Variants in KSR2 observed in about 807,000 individuals in gnomAD.
The protein encoded by KSR2 is kinase suppressor of ras 2.
In KSR2, 25 loss-of-function variants were observed where a neutral mutation model predicts 107.8. That is an observed-to-expected ratio of 0.23 (90% CI 0.17 to 0.32). KSR2 has a LOEUF of 0.32. KSR2 is among the 10% of genes least tolerant of loss of function. The pLI, the probability that KSR2 is intolerant of heterozygous loss-of-function variation, is 1.00. For missense variants in KSR2, 887 were observed against 1,268.9 expected (o/e 0.70, Z 4.57); for synonymous variants, 480 against 507.0 (o/e 0.95, Z 0.71).
intron 3 of KSR2, among the ~76,000 whole-genome samples, chr12:117,808,670 A>G (rs1314137736): frequency 2.0e-5 from 3 of 152,074 alleles, no homozygotes; most frequent in Non-Finnish European, 4.4e-5. Flanking sequence ...GCCTCTGCCC[A>G]TCTCTCCATC....
chr12:117,600,050 A>C (rs10774943), intron 5 of KSR2, among the ~76,000 whole-genome samples: 1 of 151,842 alleles, frequency 6.6e-6, no homozygotes, highest in Admixed American at 6.6e-5. Context: ...TTGAGTGACC[A>C]GCAAGCTCTC....
chr12:117,871,479 T>G (rs1378855029), intron 1 of KSR2, among the ~76,000 whole-genome samples: 1 of 151,834 alleles, frequency 6.6e-6, no homozygotes, highest in Non-Finnish European at 1.5e-5. Flanking sequence ...ATCCCATTTA[T>G]CAGGAGGCTG....
intron 3 of KSR2, among the ~76,000 whole-genome samples, chr12:117,830,373 A>T (rs1376326036): frequency 2.0e-5 from 3 of 152,162 alleles, no homozygotes; most frequent in African/African-American, 7.2e-5. Context: ...GAAGGGGACA[A>T]GCTCTGAAAA....
intron 3 of KSR2, among the ~76,000 whole-genome samples, chr12:117,837,331 C>A (rs1261062378): frequency 1.3e-5 from 2 of 152,146 alleles, no homozygotes; most frequent in African/African-American, 2.4e-5. Flanking sequence ...GAGGTTCCTG[C>A]CAGTTTCTAC....
chr12:117,952,808 A>AC (rs1001335571), intron 1 of KSR2, among the ~76,000 whole-genome samples: 3 of 151,636 alleles, frequency 2.0e-5, no homozygotes, highest in African/African-American at 7.3e-5. Flanking sequence ...ACATGGTGAA[A>AC]CCCCCATCTC....
rs754940414 is a variant in KSR2, at chr12:117,566,603, C to T, written c.1326-8030G>A. 4.6e-5 allele frequency among the ~76,000 whole-genome samples: 7 copies of T among 152,204 alleles called. No individual in the cohort carries two copies. In the Middle Eastern group the frequency reaches 0.01, roughly 222 times the overall value. ...ATGGCTGCATAGTATTCCATGTATA[C>T]CCATTTTTAAGTCAAGAAGACTGGG... On this transcript the variant is annotated intron_variant, in intron 7 of 19. Transcript: ENST00000339824.
intron 10 of KSR2, among the ~76,000 whole-genome samples, chr12:117,537,718 A>G (rs907975301): frequency 1.3e-4 from 20 of 152,172 alleles, no homozygotes; most frequent in African/African-American, 4.1e-4. Context: ...CCAGTCCCCA[A>G]AGAGGGCCAG....
At chr12:117,493,569 G>A (rs1168137181) in intron 14 of KSR2, among the ~76,000 whole-genome samples, 1 of 152,070 alleles carries the variant, frequency 6.6e-6, no homozygotes, top group Admixed American at 6.6e-5. Flanking sequence ...CCCCCAATAG[G>A]TCCCTGAAGC....
intron 7 of KSR2, among the ~76,000 whole-genome samples, chr12:117,567,351 C>T (rs922795100): frequency 1.2e-4 from 18 of 152,070 alleles, no homozygotes; most frequent in Middle Eastern, 6.8e-3. Context: ...TGACCTGCCA[C>T]GGGGATTGAT....
chr12:117,774,984 A>G (rs1889636543), intron 3 of KSR2, among the ~76,000 whole-genome samples: 1 of 152,138 alleles, frequency 6.6e-6, no homozygotes, highest in Non-Finnish European at 1.5e-5. Context: ...CAAGTGTAGC[A>G]TGTGTTGGTC....
chr12:117,530,935 A>G lies in KSR2; in HGVS notation c.1802+6T>C. On this transcript the variant is annotated splice_donor_region_variant and intron_variant, in intron 12 of 19. Transcript: ENST00000339824. Reference sequence around the variant, plus strand: ...GAAAGGGGGAAGATGTCTCTGTCTCACTTACATTGGATTCGAGGTCACCGG... The same window carrying G: ...GAAAGGGGGAAGATGTCTCTGTCTCGCTTACATTGGATTCGAGGTCACCGG... The G allele has an allele frequency of 6.2e-7, 1 of 1,613,404 alleles. No individual in the cohort carries two copies. The highest frequency in any genetic ancestry group is 8.5e-7 in the Non-Finnish European group (1 of 1,179,450).
intron 5 of KSR2, among the ~76,000 whole-genome samples, chr12:117,594,538 G>A (rs754875869): frequency 7.9e-5 from 12 of 152,160 alleles, no homozygotes; most frequent in Non-Finnish European, 1.0e-4. Flanking sequence ...AGCCTGCTGA[G>A]GCGACAGGGT....
intron 4 of KSR2, among the ~76,000 whole-genome samples, chr12:117,739,339 A>C (rs1888083383): frequency 6.6e-6 from 1 of 152,200 alleles, no homozygotes; most frequent in Non-Finnish European, 1.5e-5. Flanking sequence ...TGGGCGACAG[A>C]GCAAGACTCC....
chr12:117,909,006 A>T (rs1299768187), intron 1 of KSR2, among the ~76,000 whole-genome samples: 1 of 152,166 alleles, frequency 6.6e-6, no homozygotes, highest in Non-Finnish European at 1.5e-5. Flanking sequence ...TGGCTTCAAT[A>T]GGCACAGCTA....
chr12:117,710,026 C>G (rs1372323449), intron 4 of KSR2, among the ~76,000 whole-genome samples: 5 of 152,208 alleles, frequency 3.3e-5, no homozygotes, highest in African/African-American at 9.6e-5. Flanking sequence ...ACTCCCAGCT[C>G]TCGAGGAGAT....
At chr12:117,659,153 G>GC (rs1884315561) in intron 5 of KSR2, among the ~76,000 whole-genome samples, 1 of 152,184 alleles carries the variant, frequency 6.6e-6, no homozygotes, top group Non-Finnish European at 1.5e-5. Flanking sequence ...CACTCTGACA[G>GC]CATGTACCTG....
intron 3 of KSR2, among the ~76,000 whole-genome samples, chr12:117,839,382 C>A (rs948021320): frequency 1.3e-5 from 2 of 152,298 alleles, no homozygotes; most frequent in Non-Finnish European, 2.9e-5. Flanking sequence ...GGCCATGTGA[C>A]CTTGGTTGGG....
chr12:117,826,171 A>G (rs761861019), intron 3 of KSR2, among the ~76,000 whole-genome samples: 14 of 152,144 alleles, frequency 9.2e-5, no homozygotes, highest in Non-Finnish European at 1.6e-4. Flanking sequence ...GAATGAATTC[A>G]CCCCACTTCC....
Position 117,539,835 on chromosome 12 carries a change from G to A in KSR2, c.1571C>T (p.Thr524Met), listed in dbSNP as rs71452606. Residue 524 changes from threonine (T) to methionine (M), a missense_variant, in exon 10 of 20, where the codon ACG (threonine) becomes ATG (methionine). Physicochemically the swap from Thr to Met is moderately conservative, Grantham distance 81. Transcript: ENST00000339824. ...TGGCGAGGAGGGCGTGGAGGACGTCGTGGAGGAGGGGTTGCTGCTGGAGTC... is the reference window on the plus strand; with the variant it reads ...TGGCGAGGAGGGCGTGGAGGACGTCATGGAGGAGGGGTTGCTGCTGGAGTC... ...QPDSSSNPSS[T>M]TSSTPSSPAP... The A allele has an allele frequency of 6.2e-7, 1 of 1,610,738 alleles. No homozygotes were observed. Among genetic ancestry groups the A allele is most frequent in the Non-Finnish European group, 8.5e-7 (1 of 1,178,742 alleles).
Sources: gnomAD v4.1 joint callset for allele counts (sites outside exome capture counted in the v4.1 genomes callset) on GRCh38, gnomAD v4.1.1 for gene constraint, MANE v1.5 for transcripts, NCBI Gene and HGNC (gene_info 2026-07-23, HGNC 2026-07-21) for gene names.